GALNT2: variants seen among roughly 807,000 people sequenced by gnomAD.
The protein encoded by GALNT2 is UDP-GalNAc:polypeptide N-acetylgalactosaminyltransferase 2.
In GALNT2, 31 loss-of-function variants were observed where a neutral mutation model predicts 81.4. That is an observed-to-expected ratio of 0.38 (90% CI 0.29 to 0.51). The LOEUF is 0.51. GALNT2 is among the 20% of genes least tolerant of loss of function. The pLI, the probability that GALNT2 is intolerant of heterozygous loss-of-function variation, is 0.87. For missense variants in GALNT2, 629 were observed against 765.7 expected, an observed-to-expected ratio of 0.82 and a Z score of 2.11; for synonymous variants, 303 against 287.4, an observed-to-expected ratio of 1.05 and a Z score of -0.55.
intron 1 of GALNT2, among the ~76,000 whole-genome samples, chr1:230,129,946 C>T (rs1661313959): frequency 6.6e-6 from 1 of 152,246 alleles, no homozygotes; most frequent in South Asian, 2.1e-4. Context: ...TTCCTGTGGA[C>T]AGGCATCACC....
At chr1:230,105,981 G>C (rs570217339) in intron 1 of GALNT2, among the ~76,000 whole-genome samples, 1 of 152,314 alleles carries the variant, frequency 6.6e-6, no homozygotes, top group East Asian at 1.9e-4. Flanking sequence ...CATAGTGATT[G>C]TAGTAATTCG....
chr1:230,175,945 T>G (rs1489612856), intron 1 of GALNT2, among the ~76,000 whole-genome samples: 3 of 152,032 alleles, frequency 2.0e-5, no homozygotes, highest in Non-Finnish European at 4.4e-5. Flanking sequence ...CCTGGACAAA[T>G]TGCTTAGCCT....
intron 3 of GALNT2, among the ~76,000 whole-genome samples, chr1:230,215,785 A>G (rs1664372990): frequency 6.6e-6 from 1 of 152,238 alleles, no homozygotes; most frequent in Admixed American, 6.5e-5. Context: ...CCTGTCTTAC[A>G]GCATTTTTAT....
At chr1:230,177,401 G>A (rs1474305151) in intron 1 of GALNT2, among the ~76,000 whole-genome samples, 1 of 152,202 alleles carries the variant, frequency 6.6e-6, no homozygotes, top group East Asian at 1.9e-4. Context: ...ACAGGAGTCT[G>A]GTGGGAAAAT....
At chr1:230,092,832 T>A (rs1054150628) in intron 1 of GALNT2, among the ~76,000 whole-genome samples, 2 of 151,868 alleles carry the variant, frequency 1.3e-5, no homozygotes, top group Non-Finnish European at 2.9e-5. Context: ...AAATCTGGGG[T>A]CAAATTTAGG....
At chr1:230,185,818 A>G (rs1663317858) in intron 2 of GALNT2, among the ~76,000 whole-genome samples, 1 of 152,158 alleles carries the variant, frequency 6.6e-6, no homozygotes, top group Admixed American at 6.5e-5. Context: ...CACCCCCATG[A>G]CTGGGTCCCC....
chr1:230,247,674 C>T (rs1665415812), intron 8 of GALNT2, among the ~76,000 whole-genome samples: 1 of 152,134 alleles, frequency 6.6e-6, no homozygotes, highest in Non-Finnish European at 1.5e-5. Context: ...CTGCGTATGT[C>T]AGAGCAGGGG....
intron 1 of GALNT2, chr1:230,058,122 TG>T: frequency 2.2e-6 from 1 of 456,118 alleles, no homozygotes; most frequent in Non-Finnish European, 4.4e-6. Flanking sequence ...TCCTTAAGTC[TG>T]GGGCTATGGG....
rs1032514649 is a variant in GALNT2 at position 230,193,487 on chromosome 1, C to T, written c.221-9650C>T. Among the ~76,000 whole-genome samples the T allele has an allele frequency of 4.0e-5, 6 of 151,868 alleles. No homozygotes were observed. Among genetic ancestry groups the T allele is most frequent in the South Asian group, 2.1e-4 (1 of 4,788 alleles). ...TCTGTGTGCTGGGGTTTGCATGCGC[C>T]TCTCTGTGCTGGGGTGTGCGTGCGC... On this transcript the variant is annotated intron_variant, in intron 2 of 15. Coordinates refer to ENST00000366672, the MANE Select transcript of GALNT2 (RefSeq NM_004481.5). The surrounding 1 kb of genome is among the most constrained non-coding windows in gnomAD (Gnocchi z 4.3).
intron 1 of GALNT2, among the ~76,000 whole-genome samples, chr1:230,103,712 A>T (rs1660463192): frequency 6.8e-6 from 1 of 147,418 alleles, no homozygotes; most frequent in East Asian, 2.0e-4. Context: ...CCAAAACCAC[A>T]CACACAAAGC....
intron 1 of GALNT2, among the ~76,000 whole-genome samples, chr1:230,107,952 T>C (rs1455030444): frequency 6.6e-6 from 1 of 152,144 alleles, no homozygotes; most frequent in African/African-American, 2.4e-5. Context: ...TGGATCCCCA[T>C]TTCTGTGCGG....
chr1:230,086,597 T>A (rs150663269), intron 1 of GALNT2, among the ~76,000 whole-genome samples: 1 of 152,310 alleles, frequency 6.6e-6, no homozygotes, highest in East Asian at 1.9e-4. Context: ...CCCCGTGTGT[T>A]AAGGGAATTT....
chr1:230,111,052 TTG>T (rs1223772551), intron 1 of GALNT2, among the ~76,000 whole-genome samples: 1 of 152,214 alleles, frequency 6.6e-6, no homozygotes, highest in Non-Finnish European at 1.5e-5. Flanking sequence ...GCATGCATAT[TTG>T]TGTGTGTGTA....
At chr1:230,058,067 A>G (rs573089407) in exon 1 of GALNT2, 32 of 456,280 alleles carry the variant, frequency 7.0e-5, no homozygotes, top group South Asian at 1.1e-4. Flanking sequence ...CGTAGCCCCT[A>G]TGGCTGACAG....
At chr1:230,135,860 ATTT>A (rs57593014) in intron 1 of GALNT2, among the ~76,000 whole-genome samples, 2 of 140,348 alleles carry the variant, frequency 1.4e-5, no homozygotes, top group Non-Finnish European at 1.6e-5. Context: ...TAACTTTTTC[ATTT>A]TTTTTTTTTT....
intron 2 of GALNT2, among the ~76,000 whole-genome samples, chr1:230,195,605 G>A (rs116468576): frequency 0.046 from 7,001 of 152,200 alleles, 200 homozygotes; most frequent in Middle Eastern, 0.068. Flanking sequence ...TCAGCGGTGC[G>A]GGCATGGCTA....
chr1:230,233,392 A>G (rs1664926833), intron 3 of GALNT2, among the ~76,000 whole-genome samples: 1 of 152,220 alleles, frequency 6.6e-6, no homozygotes, highest in African/African-American at 2.4e-5. Flanking sequence ...AGGCAGGCAG[A>G]TCACGAGGTC....
At chr1:230,169,740 C>A (rs184037455) in intron 1 of GALNT2, among the ~76,000 whole-genome samples, 1 of 152,334 alleles carries the variant, frequency 6.6e-6, no homozygotes, top group Admixed American at 6.5e-5. Flanking sequence ...GTGTGTTTTT[C>A]TCTGAGGTTA....
chr1:230,236,623 C>T, intron 5 of GALNT2, 37 bp from the exon 6 acceptor site: 1 of 1,592,488 alleles, frequency 6.3e-7, no homozygotes, highest in Non-Finnish European at 8.6e-7. Flanking sequence ...TTTATGAACT[C>T]CAGGTTCAAA....
Sources: gnomAD v4.1 joint callset for allele counts (sites outside exome capture counted in the v4.1 genomes callset) on GRCh38, gnomAD v4.1.1 for gene constraint, Gnocchi (gnomAD v3.1) non-coding constraint, MANE v1.5 for transcripts, NCBI Gene and HGNC (gene_info 2026-07-23, HGNC 2026-07-21) for gene names.